Variants in TAF5L observed in about 807,000 individuals in gnomAD.
TAF5L encodes the protein TATA-box binding protein associated factor 5 like.
Under a neutral mutation model 51.3 loss-of-function variants are expected in TAF5L, and 7 were observed. The ratio of observed to expected loss-of-function variants is 0.14; its 90% CI spans 0.08 to 0.26. The LOEUF (loss-of-function observed/expected upper bound fraction) is 0.26. Among genes scored for constraint, TAF5L ranks in the 10% least tolerant of loss-of-function variants. The pLI is 1.00. For synonymous variants in TAF5L, 291 were observed against 308.1 expected, an observed-to-expected ratio of 0.94 and a Z score of 0.58; for missense variants, 575 against 758.9, an observed-to-expected ratio of 0.76 and a Z score of 2.85.
intron 2 of TAF5L, among the ~76,000 whole-genome samples, chr1:229,613,035 T>C (rs907732773): frequency 2.0e-5 from 3 of 151,970 alleles, no homozygotes; most frequent in Non-Finnish European, 2.9e-5. Context: ...TAAAAGAAAG[T>C]CCTGTTACAC....
intron 1 of TAF5L, among the ~76,000 whole-genome samples, chr1:229,621,810 A>T (rs992390709): frequency 6.6e-6 from 1 of 152,240 alleles, no homozygotes; most frequent in African/African-American, 2.4e-5. Flanking sequence ...AATTCACTCC[A>T]ACTGTTCATG....
At chr1:229,614,246 C>T (rs773699221) in intron 2 of TAF5L, 95 bp downstream of exon 2, 11 of 1,608,014 alleles carry the variant, frequency 6.8e-6, no homozygotes, top group Non-Finnish European at 9.4e-6. Flanking sequence ...CTCTCTCTGG[C>T]ACTGTCTTGA....
At chr1:229,611,248 C>T (rs1485454461) in intron 2 of TAF5L, among the ~76,000 whole-genome samples, 1 of 152,130 alleles carries the variant, frequency 6.6e-6, no homozygotes, top group Non-Finnish European at 1.5e-5. Flanking sequence ...TAAACACACA[C>T]TTAATCTCCA....
At chr1:229,605,803 A>C (rs1374459688) in intron 3 of TAF5L, among the ~76,000 whole-genome samples, 1 of 152,174 alleles carries the variant, frequency 6.6e-6, no homozygotes, top group African/African-American at 2.4e-5. Context: ...CTGCAACACT[A>C]ACTCTTTCCT....
intron 1 of TAF5L, among the ~76,000 whole-genome samples, chr1:229,619,584 T>C (rs1665131109): frequency 6.6e-6 from 1 of 152,160 alleles, no homozygotes; most frequent in African/African-American, 2.4e-5. Flanking sequence ...CCAGAAGTCT[T>C]GTTTCATCAA....
chr1:229,607,499 C>T, intron 3 of TAF5L: 1 of 983,244 alleles, frequency 1.0e-6, no homozygotes, highest in Non-Finnish European at 1.2e-6. Flanking sequence ...CAAATTACTC[C>T]TCTTCCTCCT....
intron 3 of TAF5L, among the ~76,000 whole-genome samples, chr1:229,605,941 T>G (rs1490180058): frequency 6.6e-6 from 1 of 152,264 alleles, no homozygotes; most frequent in East Asian, 1.9e-4. Context: ...TTTCGAGAAC[T>G]GTGACTAGAT....
At chr1:229,610,506 T>C (rs1047075935) in intron 2 of TAF5L, among the ~76,000 whole-genome samples, 2 of 152,192 alleles carry the variant, frequency 1.3e-5, no homozygotes, top group Non-Finnish European at 2.9e-5. Flanking sequence ...CATCAGGAAA[T>C]GTTTGATCCT....
intron 2 of TAF5L, 170 bp downstream of exon 2, chr1:229,614,167 TGACA>T: frequency 9.8e-7 from 1 of 1,023,362 alleles, no homozygotes; most frequent in Non-Finnish European, 1.5e-6. Flanking sequence ...CCGCTCTAAA[TGACA>T]GACAGGGTCT....
intron 4 of TAF5L, chr1:229,601,403 T>C: frequency 1.0e-6 from 1 of 985,458 alleles, no homozygotes; most frequent in African/African-American, 1.7e-5. Flanking sequence ...GGCCCACAGC[T>C]TTTTCAGGAC....
chr1:229,618,108 C>T (rs1665071847), intron 1 of TAF5L, among the ~76,000 whole-genome samples: 1 of 152,064 alleles, frequency 6.6e-6, no homozygotes, highest in African/African-American at 2.4e-5. Context: ...TTCCAGAGTA[C>T]TAATATCCAA....
In TAF5L at chr1:229,594,399, C is replaced by T. The variant is rs1664038605; in HGVS notation, c.1668G>A (p.Val556=). Residue 556 remains valine, a synonymous_variant, in exon 5 of 5, where the codon GTG becomes GTA. Coordinates refer to ENST00000258281, the Ensembl canonical transcript of TAF5L. This position sits in a 1 kb window ranked among gnomAD's most constrained non-coding sequence, Gnocchi z 7.9. ...TGCTCATCTGCCCGGTGTACACGCC[C>T]ACGAGCTCGCTGGAGGAGCCGTCGG... 3 of 1,614,194 alleles carry T rather than the reference C, an allele frequency of 1.9e-6. No homozygotes were observed. Among genetic ancestry groups the T allele is most frequent in the South Asian group, 2.2e-5 (2 of 91,078 alleles).
At chr1:229,595,168 T>C in intron 4 of TAF5L, 74 bp from the exon 5 acceptor site, 1 of 1,464,032 alleles carries the variant, frequency 6.8e-7, no homozygotes, top group South Asian at 1.4e-5. Flanking sequence ...GGAAAACAAG[T>C]CCAGGAGAAA....
At chr1:229,615,630 GAGGC>G (rs1259557384) in intron 1 of TAF5L, among the ~76,000 whole-genome samples, 1 of 150,854 alleles carries the variant, frequency 6.6e-6, no homozygotes, top group African/African-American at 2.4e-5. Context: ...AAAAAAAAAA[GAGGC>G]ACTGTTTCCT....
chr1:229,610,250 A>G (rs1664739824), intron 2 of TAF5L, 40 bp from the exon 3 acceptor site: 1 of 1,592,008 alleles, frequency 6.3e-7, no homozygotes, highest in African/African-American at 1.3e-5. Context: ...CGGGAAACAG[A>G]GAGACGATTA....
intron 4 of TAF5L, chr1:229,601,105 A>G (rs1664354811): frequency 1.0e-6 from 1 of 985,074 alleles, no homozygotes; most frequent in Non-Finnish European, 1.2e-6. Context: ...ATGGGAATCT[A>G]GACTCTTCAC....
intron 1 of TAF5L, among the ~76,000 whole-genome samples, chr1:229,623,129 C>G (rs1256219781): frequency 7.9e-5 from 12 of 152,112 alleles, no homozygotes. Context: ...CAAAAATTAG[C>G]CAGGCATGGT....
rs1372681168 is a variant in TAF5L at position 229,602,124 on chromosome 1, T to C, written c.972+71A>G. On this transcript the variant is annotated intron_variant, in intron 4 of 4. Coordinates refer to ENST00000258281, the Ensembl canonical transcript of TAF5L. The surrounding 1 kb of genome is among the most constrained non-coding windows in gnomAD (Gnocchi z 4.6). Reference sequence around the variant, plus strand: ...ACTAGGAAGTCCATTCTAAGATATGTCGTGTTTGGTAAGGACATTCTAAGG... The same window carrying C: ...ACTAGGAAGTCCATTCTAAGATATGCCGTGTTTGGTAAGGACATTCTAAGG... The C allele has an allele frequency of 6.4e-7, 1 of 1,552,302 alleles. No individual in the cohort carries two copies.
chr1:229,616,346 T>G (rs901695631), intron 1 of TAF5L, among the ~76,000 whole-genome samples: 1 of 146,522 alleles, frequency 6.8e-6, no homozygotes, highest in African/African-American at 2.5e-5. Context: ...AAATTCCACC[T>G]TTTCCGGAAG....
Sources: allele counts gnomAD v4.1 joint callset (sites outside exome capture counted in the v4.1 genomes callset), GRCh38; gene constraint gnomAD v4.1.1; non-coding constraint Gnocchi (gnomAD v3.1); transcripts MANE v1.5; gene names NCBI Gene and HGNC (gene_info 2026-07-23, HGNC 2026-07-21).